CNTN5: variants seen among roughly 807,000 people sequenced by gnomAD.
CNTN5 encodes contactin 5, also known as contactin-5.
CNTN5 carries 77 observed loss-of-function variants against 129.1 expected under a neutral mutation model. That is an observed-to-expected ratio of 0.60 (90% CI 0.50 to 0.72). The LOEUF (loss-of-function observed/expected upper bound fraction) is 0.72. Ranked by LOEUF, CNTN5 falls within the 30% of genes least tolerant of loss-of-function variation. CNTN5 has a pLI of 0.00. For synonymous variants in CNTN5, 509 were observed against 465.6 expected, an observed-to-expected ratio of 1.09 and a Z score of -1.20; for missense variants, 1,478 against 1,328.8, an observed-to-expected ratio of 1.11 and a Z score of -1.75.
chr11:99,150,478 C>T (rs1175634042), intron 1 of CNTN5, among the ~76,000 whole-genome samples: 1 of 151,862 alleles, frequency 6.6e-6, no homozygotes, highest in Non-Finnish European at 1.5e-5. Context: ...TTATGAACTA[C>T]AAATAAATAT....
At chr11:99,845,792 A>C (rs1439150268) in intron 6 of CNTN5, among the ~76,000 whole-genome samples, 1 of 140,932 alleles carries the variant, frequency 7.1e-6, no homozygotes, top group African/African-American at 2.5e-5. Context: ...AATTCATAAC[A>C]GTCTATTTTG....
At chr11:99,680,037 T>C (rs1032819923) in intron 3 of CNTN5, among the ~76,000 whole-genome samples, 2 of 152,116 alleles carry the variant, frequency 1.3e-5, no homozygotes, top group African/African-American at 2.4e-5. Flanking sequence ...CTGAGAGAGA[T>C]GAGGAAGATG....
At chr11:100,337,421 C>G in intron 21 of CNTN5, 1 of 763,966 alleles carries the variant, frequency 1.3e-6, no homozygotes, top group Non-Finnish European at 2.4e-6. Context: ...AAGAGTGAAG[C>G]AGCCTCCCTG....
chr11:99,150,932 A>T (rs2135487372), intron 1 of CNTN5, among the ~76,000 whole-genome samples: 1 of 152,246 alleles, frequency 6.6e-6, no homozygotes, highest in East Asian at 1.9e-4. Flanking sequence ...TAAGAAATTA[A>T]TGTTTTCTTT....
At chr11:99,662,005 A>G (rs981530130) in intron 3 of CNTN5, among the ~76,000 whole-genome samples, 13 of 152,134 alleles carry the variant, frequency 8.5e-5, no homozygotes, top group Non-Finnish European at 1.5e-4. Context: ...GTTTTTTTCT[A>G]TATTCAGGAT....
chr11:99,668,069 A>G (rs940766219), intron 3 of CNTN5, among the ~76,000 whole-genome samples: 1 of 152,174 alleles, frequency 6.6e-6, no homozygotes, highest in Non-Finnish European at 1.5e-5. Flanking sequence ...TATAACCAAC[A>G]TCTTTCTCAC....
intron 3 of CNTN5, among the ~76,000 whole-genome samples, chr11:99,792,209 T>A (rs1945770063): frequency 6.6e-6 from 1 of 152,184 alleles, no homozygotes; most frequent in Middle Eastern, 3.2e-3. Flanking sequence ...AATGTTTGCC[T>A]ATTCAGTATG....
intron 3 of CNTN5, among the ~76,000 whole-genome samples, chr11:99,779,374 C>T: frequency 2.0e-5 from 3 of 152,072 alleles, no homozygotes; most frequent in Admixed American, 2.0e-4. Flanking sequence ...TAAAATTTGA[C>T]TCTCTTGTGA....
chr11:99,370,990 G>A (rs975013054), intron 2 of CNTN5, among the ~76,000 whole-genome samples: 4 of 152,180 alleles, frequency 2.6e-5, no homozygotes, highest in African/African-American at 7.2e-5. Flanking sequence ...GAGGCAGGGC[G>A]CTGCTCCAGA....
At chr11:99,753,969 T>C (rs1373786485) in intron 3 of CNTN5, among the ~76,000 whole-genome samples, 1 of 144,918 alleles carries the variant, frequency 6.9e-6, no homozygotes, top group Non-Finnish European at 1.5e-5. Flanking sequence ...ATTACAGGCC[T>C]GAGCCACGGC....
At chr11:99,370,545 G>T (rs1191677197) in intron 2 of CNTN5, among the ~76,000 whole-genome samples, 1 of 152,120 alleles carries the variant, frequency 6.6e-6, no homozygotes, top group African/African-American at 2.4e-5. Context: ...CTATATTATA[G>T]AAATGTCATA....
chr11:99,532,733 T>G (rs751159851), intron 2 of CNTN5, among the ~76,000 whole-genome samples: 8 of 152,220 alleles, frequency 5.3e-5, no homozygotes, highest in Non-Finnish European at 8.8e-5. Context: ...TGCTGCCATG[T>G]AAGAAGTGCC....
At chr11:99,347,070 A>T (rs184958173) in intron 2 of CNTN5, among the ~76,000 whole-genome samples, 4 of 152,348 alleles carry the variant, frequency 2.6e-5, no homozygotes, top group Admixed American at 2.6e-4. Context: ...ATTGTATCAG[A>T]TCTGAGAGGC....
chr11:100,193,459 T>A (rs1380722008), intron 14 of CNTN5, 29 bp from the exon 15 acceptor site: 1 of 1,348,876 alleles, frequency 7.4e-7, no homozygotes, highest in Admixed American at 2.6e-5. Flanking sequence ...AGGTTGATTA[T>A]CTTAATTAAC....
chr11:100,047,192 G>C (rs1942726224), intron 9 of CNTN5, among the ~76,000 whole-genome samples: 1 of 152,036 alleles, frequency 6.6e-6, no homozygotes, highest in African/African-American at 2.4e-5. Flanking sequence ...AACCAACAAA[G>C]AGCCAGATAT....
At chr11:99,090,813 G>A (rs1353215044) in intron 1 of CNTN5, among the ~76,000 whole-genome samples, 5 of 151,244 alleles carry the variant, frequency 3.3e-5, no homozygotes, top group African/African-American at 1.2e-4. Flanking sequence ...ACGAGGTCAG[G>A]AGATGGAGAC....
chr11:99,235,469 G>A (rs992752138), intron 1 of CNTN5, among the ~76,000 whole-genome samples: 6 of 151,916 alleles, frequency 3.9e-5, no homozygotes, highest in Non-Finnish European at 8.8e-5. Flanking sequence ...AAAACATAAA[G>A]AATCACCATG....
intron 8 of CNTN5, among the ~76,000 whole-genome samples, chr11:99,984,124 T>G (rs549583605): frequency 1.3e-5 from 2 of 151,850 alleles, no homozygotes; most frequent in African/African-American, 2.4e-5. Context: ...ACACAAAAAA[T>G]TTTTTAGCTG....
At chr11:99,761,332 T>C (rs2097146502) in intron 3 of CNTN5, among the ~76,000 whole-genome samples, 1 of 152,104 alleles carries the variant, frequency 6.6e-6, no homozygotes, top group South Asian at 2.1e-4. Flanking sequence ...TTGTTACGTA[T>C]GTATACATGT....
Sources: gnomAD v4.1 joint callset for allele counts (sites outside exome capture counted in the v4.1 genomes callset) on GRCh38, gnomAD v4.1.1 for gene constraint, MANE v1.5 for transcripts, NCBI Gene and HGNC (gene_info 2026-07-23, HGNC 2026-07-21) for gene names.